The following GK5 variants were observed in gnomAD, a reference collection of about 807,000 sequenced individuals.
GK5 encodes the protein glycerol kinase 5.
A neutral mutation model predicts 77.3 loss-of-function variants in GK5; 39 were observed. The ratio of observed to expected loss-of-function variants is 0.50; its 90% CI spans 0.39 to 0.66. The LOEUF (loss-of-function observed/expected upper bound fraction) is 0.66, where lower values mean the gene tolerates loss of function less well. Ranked by LOEUF, GK5 falls within the 30% of genes least tolerant of loss-of-function variation. The pLI, the probability that GK5 is intolerant of heterozygous loss-of-function variation, is 0.00. For synonymous variants in GK5, 211 were observed against 208.0 expected (o/e 1.01, Z -0.13); for missense variants, 487 against 633.8 (o/e 0.77, Z 2.49).
chr3:142,207,602 T>C (rs1185215210), intron 3 of GK5, among the ~76,000 whole-genome samples: 1 of 152,162 alleles, frequency 6.6e-6, no homozygotes, highest in Non-Finnish European at 1.5e-5. Flanking sequence ...CATGTGACCA[T>C]CTCACCTCAT....
chr3:142,210,419 C>T (rs936978387), intron 3 of GK5, among the ~76,000 whole-genome samples: 5 of 152,092 alleles, frequency 3.3e-5, no homozygotes, highest in Non-Finnish European at 7.4e-5. Context: ...TGTTGTGTCC[C>T]GGCTGTTTGC....
intron 4 of GK5, 78 bp downstream of exon 4, chr3:142,204,617 G>C (rs760695557): frequency 1.2e-6 from 1 of 849,992 alleles, no homozygotes; most frequent in South Asian, 1.3e-5. Context: ...AACAAAATAG[G>C]TAGGAAATAA....
At chr3:142,167,079 A>G (rs922381211) in intron 15 of GK5, among the ~76,000 whole-genome samples, 13 of 152,150 alleles carry the variant, frequency 8.5e-5, no homozygotes, top group Non-Finnish European at 1.6e-4. Flanking sequence ...CTATGTTTAA[A>G]GGTATTAATG....
At chr3:142,168,347 A>G (rs1031188114) in intron 15 of GK5, among the ~76,000 whole-genome samples, 5 of 151,946 alleles carry the variant, frequency 3.3e-5, no homozygotes, top group Non-Finnish European at 7.4e-5. Flanking sequence ...TGCAAATGGG[A>G]TTGATTAAGG....
At chr3:142,170,192 G>A in intron 15 of GK5, 133 bp downstream of exon 15, 1 of 886,576 alleles carries the variant, frequency 1.1e-6, no homozygotes, top group Admixed American at 1.7e-5. Flanking sequence ...TGAGTAATAT[G>A]CATATGTGTA....
At chr3:142,206,334 G>A (rs927675150) in intron 3 of GK5, among the ~76,000 whole-genome samples, 1 of 152,154 alleles carries the variant, frequency 6.6e-6, no homozygotes, top group African/African-American at 2.4e-5. Flanking sequence ...TGAGGAACTG[G>A]CAAACTGTTT....
At chr3:142,192,876 C>T (rs965701325) in intron 5 of GK5, among the ~76,000 whole-genome samples, 16 of 151,930 alleles carry the variant, frequency 1.1e-4, no homozygotes, top group Non-Finnish European at 2.4e-4. Flanking sequence ...ATGGAGAAAC[C>T]TTAAATGCAT....
intron 15 of GK5, among the ~76,000 whole-genome samples, chr3:142,168,740 G>A (rs926127620): frequency 1.5e-3 from 3 of 2,018 alleles, no homozygotes; most frequent in East Asian, 9.6e-3. Flanking sequence ...CCCCACCCCC[G>A]GTTAAAATTC....
intron 1 of GK5, among the ~76,000 whole-genome samples, chr3:142,221,945 T>C (rs942692283): frequency 3.3e-5 from 5 of 152,218 alleles, no homozygotes; most frequent in African/African-American, 1.2e-4. Context: ...GGGGAATCTC[T>C]TTATTTTTTC....
rs1488770236 is a variant in GK5 at position 142,164,296 on chromosome 3, G to T, written c.*1326C>A. 1 of 152,008 alleles carries T rather than the reference G, an allele frequency of 6.6e-6. No individual in the cohort carries two copies. Among genetic ancestry groups the T allele is most frequent in the African/African-American group, 2.4e-5 (1 of 41,370 alleles). The allele number at this position is 152,008 out of a possible 1,614,324, so 9.4% of individuals were successfully genotyped here. A position where few individuals can be genotyped will look rare whatever the true frequency, so the allele number is the denominator to read the frequency against. On this transcript the variant is annotated 3_prime_UTR_variant, in exon 16 of 16. Transcript: ENST00000392993. ...TAAAATAGCTAGTTCTATAATAAAAGGATTTTATGTGCCAAATCCTGACCA... is the reference window on the plus strand; with the variant it reads ...TAAAATAGCTAGTTCTATAATAAAATGATTTTATGTGCCAAATCCTGACCA...
At chr3:142,181,424 G>C (rs752648389) in intron 11 of GK5, 37 bp downstream of exon 11, 2 of 1,264,146 alleles carry the variant, frequency 1.6e-6, no homozygotes, top group African/African-American at 3.0e-5. Flanking sequence ...GAATTCTTTA[G>C]GTCTGGCTTG....
Position 142,186,000 on chromosome 3 carries a change from A to G in GK5, c.756-11T>C. On this transcript the variant is annotated splice_polypyrimidine_tract_variant and intron_variant, in intron 8 of 15. Transcript: ENST00000392993. ...GATCCAAAATTGTGGCTTCAAATAA[A>G]ATTCATTAAAAAGTTAGTTACAGCT... 1.9e-6 allele frequency: 3 copies of G among 1,595,066 alleles called. No individual in the cohort carries two copies. In the South Asian group the frequency reaches 3.4e-5, roughly 18 times the overall value.
intron 3 of GK5, among the ~76,000 whole-genome samples, chr3:142,207,548 G>T (rs948710457): frequency 6.6e-6 from 1 of 152,118 alleles, no homozygotes; most frequent in Non-Finnish European, 1.5e-5. Flanking sequence ...CAAATGTACT[G>T]TACTTCTACA....
At chr3:142,173,828 T>C (rs1328216645) in intron 12 of GK5, among the ~76,000 whole-genome samples, 3 of 152,320 alleles carry the variant, frequency 2.0e-5, no homozygotes, top group East Asian at 3.9e-4. Flanking sequence ...TTCAAGGACA[T>C]CCAGCGCTGT....
At chr3:142,176,695 C>T (rs988033374) in intron 12 of GK5, among the ~76,000 whole-genome samples, 2 of 102,186 alleles carry the variant, frequency 2.0e-5, no homozygotes, top group Non-Finnish European at 3.5e-5. Context: ...GACGGACTCT[C>T]GCTCTGTCAC....
At chr3:142,190,965 A>G (rs1292700595) in intron 5 of GK5, among the ~76,000 whole-genome samples, 2 of 152,256 alleles carry the variant, frequency 1.3e-5, no homozygotes, top group African/African-American at 4.8e-5. Flanking sequence ...TAACTAAGTG[A>G]ATTCAGTAAC....
intron 9 of GK5, chr3:142,185,168 T>C (rs1244852253): frequency 2.1e-6 from 2 of 949,394 alleles, no homozygotes; most frequent in Middle Eastern, 5.4e-4. Context: ...GTCCCAGCAC[T>C]TTGGGAGGCA....
intron 3 of GK5, among the ~76,000 whole-genome samples, chr3:142,212,349 T>C (rs1016503112): frequency 5.3e-5 from 8 of 151,712 alleles, no homozygotes; most frequent in Admixed American, 3.3e-4. Context: ...AGCTTGGCAA[T>C]ATGGTGAAAC....
intron 5 of GK5, among the ~76,000 whole-genome samples, chr3:142,190,139 T>C (rs1381415467): frequency 3.9e-5 from 6 of 152,116 alleles, no homozygotes; most frequent in Admixed American, 2.6e-4. Context: ...TGGGTTTTAA[T>C]AGCACATTAG....
Sources: gnomAD v4.1 joint callset for allele counts (sites outside exome capture counted in the v4.1 genomes callset) on GRCh38, gnomAD v4.1.1 for gene constraint, MANE v1.5 for transcripts, NCBI Gene and HGNC (gene_info 2026-07-23, HGNC 2026-07-21) for gene names.